Variants in PACRG observed in about 807,000 individuals in gnomAD.
PACRG encodes the protein parkin coregulated.
Under a neutral mutation model 29.7 loss-of-function variants are expected in PACRG, and 29 were observed. The observed-to-expected ratio is 0.98, with a 90% CI of 0.73 to 1.33. The LOEUF is 1.33. Ranked by LOEUF, PACRG falls within the 40% of genes most tolerant of loss-of-function variation. The pLI is 0.00. For synonymous variants in PACRG, 116 were observed against 118.7 expected, an observed-to-expected ratio of 0.98 and a Z score of 0.15; for missense variants, 279 against 316.2, an observed-to-expected ratio of 0.88 and a Z score of 0.89.
intron 2 of PACRG, among the ~76,000 whole-genome samples, chr6:162,952,967 T>C (rs1434085260): frequency 2.6e-5 from 4 of 152,202 alleles, no homozygotes; most frequent in Non-Finnish European, 4.4e-5. Flanking sequence ...GAAATATCTG[T>C]ATTTCAAATA....
intron 4 of PACRG, among the ~76,000 whole-genome samples, chr6:163,208,286 T>C (rs376795138): frequency 1.6e-5 from 2 of 125,108 alleles, no homozygotes; most frequent in East Asian, 2.4e-4. Context: ...CTTTTCTTTT[T>C]TCTCTTCTTT....
At chr6:163,217,644 A>G (rs1221568909) in intron 4 of PACRG, among the ~76,000 whole-genome samples, 2 of 152,132 alleles carry the variant, frequency 1.3e-5, no homozygotes, top group East Asian at 3.9e-4. Flanking sequence ...TTTCATCTCT[A>G]TTTAGGGTTG....
rs114913072 is a variant in PACRG, at chr6:163,099,424, G to A, written c.613+10016G>A. Among the ~76,000 whole-genome samples, 635 of 152,292 alleles carry A rather than the reference G, an allele frequency of 4.2e-3. 4 individuals carry two copies. The highest frequency in any genetic ancestry group is 0.014 in the African/African-American group (600 of 41,566). On this transcript the variant is annotated intron_variant, in intron 4 of 4. Transcript: ENST00000366888. The stretch of plus-strand genomic sequence containing the variant: ...ACATATTCGCCCAAGAGAAAATAGC[G>A]TTCTTTTCTATTTATGCAACAGAAA...
chr6:162,765,776 G>A (rs968846589), intron 1 of PACRG, among the ~76,000 whole-genome samples: 2 of 152,020 alleles, frequency 1.3e-5, no homozygotes, highest in Admixed American at 6.5e-5. Context: ...TTCTTTAAAT[G>A]CTAATTTTGT....
At chr6:162,838,781 C>A (rs1335185523) in intron 2 of PACRG, among the ~76,000 whole-genome samples, 1 of 134,828 alleles carries the variant, frequency 7.4e-6, no homozygotes, top group East Asian at 2.3e-4. Flanking sequence ...TGTGATATTC[C>A]CCTTCCTGTG....
intron 4 of PACRG, among the ~76,000 whole-genome samples, chr6:163,281,113 C>G (rs1784211584): frequency 6.6e-6 from 1 of 152,000 alleles, no homozygotes; most frequent in African/African-American, 2.4e-5. Context: ...AGTGCAAGCA[C>G]AAGTGGGCAA....
intron 4 of PACRG, among the ~76,000 whole-genome samples, chr6:163,200,934 TCAGGCCC>T (rs537460008): frequency 1.4e-3 from 206 of 152,218 alleles, no homozygotes; most frequent in African/African-American, 4.7e-3. Context: ...CTGGGCCGGA[TCAGGCCC>T]CAGGCCCCAG....
chr6:163,301,349 A>G (rs1391005148), intron 4 of PACRG, among the ~76,000 whole-genome samples: 3 of 152,228 alleles, frequency 2.0e-5, no homozygotes, highest in African/African-American at 7.2e-5. Flanking sequence ...GCACCAACAT[A>G]TTGAACTATA....
chr6:163,095,064 C>G (rs926798651), intron 4 of PACRG, among the ~76,000 whole-genome samples: 2 of 152,098 alleles, frequency 1.3e-5, no homozygotes, highest in Admixed American at 1.3e-4. Flanking sequence ...GTGCAGCGAT[C>G]TAAGTGAGAG....
intron 4 of PACRG, among the ~76,000 whole-genome samples, chr6:163,112,678 A>G (rs1313402538): frequency 6.6e-6 from 1 of 152,238 alleles, no homozygotes; most frequent in Middle Eastern, 3.2e-3. Context: ...ACAGGCCTAA[A>G]GAAGACCTGA....
intron 4 of PACRG, among the ~76,000 whole-genome samples, chr6:163,253,263 G>A (rs891112911): frequency 9.6e-5 from 14 of 145,376 alleles, no homozygotes; most frequent in Admixed American, 2.8e-4. Context: ...TCGCACCACT[G>A]CACTCCAGCG....
At chr6:163,088,367 A>G (rs1445590157) in intron 3 of PACRG, among the ~76,000 whole-genome samples, 1 of 152,168 alleles carries the variant, frequency 6.6e-6, no homozygotes, top group East Asian at 1.9e-4. Flanking sequence ...CTTCTATAAT[A>G]GATGTTTTAT....
chr6:163,098,912 C>A (rs1487799442), intron 4 of PACRG, among the ~76,000 whole-genome samples: 1 of 152,132 alleles, frequency 6.6e-6, no homozygotes, highest in African/African-American at 2.4e-5. Flanking sequence ...GGGAGTGTAG[C>A]AGTGAGGACA....
chr6:162,903,234 A>G (rs1190041133), intron 2 of PACRG, among the ~76,000 whole-genome samples: 2 of 152,164 alleles, frequency 1.3e-5, no homozygotes, highest in Admixed American at 1.3e-4. Context: ...GCAGGTGAGA[A>G]CTGTCACTTT....
At position 163,239,116 on chromosome 6, in the gene PACRG, C is replaced by T. The variant is rs192390178; in HGVS notation, c.614-75711C>T. Among the ~76,000 whole-genome samples the T allele has an allele frequency of 2.1e-3, 319 of 152,286 alleles. 1 individual carries two copies. The highest frequency in any genetic ancestry group is 7.5e-3 in the African/African-American group (311 of 41,550). On this transcript the variant is annotated intron_variant, in intron 4 of 4. Coordinates refer to ENST00000366888, the MANE Select transcript of PACRG (RefSeq NM_001080379.2). ...CCTCGATAAATTACTGAACAAGGCA[C>T]TTATTCTTTTTGAATATTTTTCTCA... is the stretch of plus-strand genomic sequence containing the variant.
chr6:162,852,864 T>C (rs1791043020), intron 2 of PACRG, among the ~76,000 whole-genome samples: 1 of 152,216 alleles, frequency 6.6e-6, no homozygotes, highest in Non-Finnish European at 1.5e-5. Flanking sequence ...AGTGATCTCA[T>C]CACTGATAAA....
chr6:163,009,459 A>G (rs1209332943), intron 2 of PACRG, among the ~76,000 whole-genome samples: 2 of 152,218 alleles, frequency 1.3e-5, no homozygotes, highest in Non-Finnish European at 2.9e-5. Context: ...TCAACGTTAC[A>G]TTAACATGGT....
intron 2 of PACRG, among the ~76,000 whole-genome samples, chr6:162,992,097 A>G (rs1803480434): frequency 7.0e-6 from 1 of 143,130 alleles, no homozygotes; most frequent in Non-Finnish European, 1.5e-5. Flanking sequence ...AGCCCACTTG[A>G]TCATGGTGGA....
At chr6:163,246,762 A>T (rs1189995511) in intron 4 of PACRG, among the ~76,000 whole-genome samples, 3 of 152,260 alleles carry the variant, frequency 2.0e-5, no homozygotes, top group Non-Finnish European at 2.9e-5. Flanking sequence ...GCTTTAGGCA[A>T]AAACAAATAC....
Sources: gnomAD v4.1 joint callset for allele counts (sites outside exome capture counted in the v4.1 genomes callset) on GRCh38, gnomAD v4.1.1 for gene constraint, MANE v1.5 for transcripts, NCBI Gene and HGNC (gene_info 2026-07-23, HGNC 2026-07-21) for gene names.